The following BARD1 variants were observed in gnomAD, a reference collection of about 807,000 sequenced individuals.
BARD1 encodes BRCA1 associated RING domain 1.
In BARD1, 73 loss-of-function variants were observed where a neutral mutation model predicts 77.0. The observed-to-expected ratio is 0.95, with a 90% confidence interval of 0.79 to 1.15. The LOEUF is 1.15. Ranked by LOEUF, BARD1 falls within the 50% of genes most tolerant of loss-of-function variation. BARD1 has a pLI of 0.00. For synonymous variants in BARD1, 384 were observed against 338.0 expected, an observed-to-expected ratio of 1.14 and a Z score of -1.49; for missense variants, 993 against 938.8, an observed-to-expected ratio of 1.06 and a Z score of -0.75.
chr2:214,740,361 A>C (rs948607773), intron 9 of BARD1, among the ~76,000 whole-genome samples: 1 of 151,836 alleles, frequency 6.6e-6, no homozygotes, highest in African/African-American at 2.4e-5. Context: ...AAAAGTGAAA[A>C]TACTTCCAAT....
intron 4 of BARD1, among the ~76,000 whole-genome samples, chr2:214,777,576 T>C (rs1207794234): frequency 6.6e-6 from 1 of 152,182 alleles, no homozygotes; most frequent in Non-Finnish European, 1.5e-5. Flanking sequence ...TTTTCTGAAG[T>C]AGGTGGGTAC....
chr2:214,730,422 T>C lies in BARD1; in HGVS notation c.1990A>G (p.Arg664Gly), dbSNP rs1064795138. 1.9e-6 allele frequency: 3 copies of C among 1,613,528 alleles called. No homozygotes were observed. The highest frequency in any genetic ancestry group is 1.3e-5 in the African/African-American group (1 of 74,930). ...PEGPRRSRLN[R>G]EQLLPKLFDG... ...TAAAAGAAAAATACCAGCTGTTCTCTGTTGAGCCTGCTTCTGCGTGGACCT... is the reference window on the plus strand; with the variant it reads ...TAAAAGAAAAATACCAGCTGTTCTCCGTTGAGCCTGCTTCTGCGTGGACCT... The change falls in exon 10 of 11, where the codon AGA becomes GGA. Residue 664 changes from arginine (R) to glycine (G), a missense_variant. Physicochemically the swap from Arg to Gly is moderately radical, Grantham distance 125. Transcript: ENST00000260947.
intron 4 of BARD1, among the ~76,000 whole-genome samples, chr2:214,777,615 A>G (rs114829047): frequency 6.6e-6 from 1 of 152,216 alleles, no homozygotes; most frequent in Non-Finnish European, 1.5e-5. Context: ...ACCAAAAAAG[A>G]TGCATTATCT....
intron 6 of BARD1, among the ~76,000 whole-genome samples, chr2:214,764,765 A>G (rs1446847743): frequency 2.0e-5 from 3 of 152,206 alleles, no homozygotes; most frequent in Non-Finnish European, 4.4e-5. Context: ...TGAATAAAGA[A>G]AAGTAACCTG....
At chr2:214,778,775 C>A (rs575879748) in intron 4 of BARD1, among the ~76,000 whole-genome samples, 1 of 152,070 alleles carries the variant, frequency 6.6e-6, no homozygotes, top group Non-Finnish European at 1.5e-5. Flanking sequence ...TCTAACTGCA[C>A]CTTTAAGAAA....
chr2:214,784,861 C>T (rs993280946), intron 3 of BARD1, among the ~76,000 whole-genome samples: 2 of 152,112 alleles, frequency 1.3e-5, no homozygotes, highest in Non-Finnish European at 2.9e-5. Flanking sequence ...GAACATCACA[C>T]ACCGGGGCCT....
intron 6 of BARD1, among the ~76,000 whole-genome samples, chr2:214,766,119 A>C (rs913948251): frequency 8.5e-5 from 13 of 152,208 alleles, no homozygotes; most frequent in African/African-American, 3.1e-4. Context: ...CTACATAGGG[A>C]GACATGAACC....
intron 3 of BARD1, among the ~76,000 whole-genome samples, chr2:214,790,630 C>T (rs1442545834): frequency 6.6e-6 from 1 of 152,154 alleles, no homozygotes; most frequent in Non-Finnish European, 1.5e-5. Context: ...TACTTTGTTA[C>T]AGCAGTTCTA....
At chr2:214,800,058 C>T (rs1050540425) in intron 1 of BARD1, among the ~76,000 whole-genome samples, 1 of 152,228 alleles carries the variant, frequency 6.6e-6, no homozygotes, top group Non-Finnish European at 1.5e-5. Flanking sequence ...CAGTCCGTAG[C>T]CTTCCGGCTT....
chr2:214,803,395 T>C (rs1696118668), intron 1 of BARD1, among the ~76,000 whole-genome samples: 1 of 152,214 alleles, frequency 6.6e-6, no homozygotes, highest in African/African-American at 2.4e-5. Flanking sequence ...TGCCCGTCCC[T>C]GGGCAATGGA....
rs201219625 is a variant in BARD1 at position 214,792,281 on chromosome 2, T to A, written c.364+16A>T. 1 of 1,611,744 alleles carries A rather than the reference T, an allele frequency of 6.2e-7. No individual in the cohort carries two copies. Among genetic ancestry groups the A allele is most frequent in the Non-Finnish European group, 8.5e-7 (1 of 1,178,826 alleles). On this transcript the variant is annotated intron_variant, in intron 3 of 10. Transcript: ENST00000260947. ...AACTGATGAATTTAACTAAGAGAGA[T>A]AGGGATAGTTCTTACCTGACAGCTC...
rs1559423277 is a variant in BARD1 at position 214,780,588 on chromosome 2, T to C, written c.1286A>G (p.Glu429Gly). ...NMAVKRNHRG[E>G]TLLHIASIKG... Reference sequence around the variant, plus strand: ...AATAGAAGCAATATGGAGCAAAGTCTCTCCTCTATGATTTCTTTTCACAGC... The same window carrying C: ...AATAGAAGCAATATGGAGCAAAGTCCCTCCTCTATGATTTCTTTTCACAGC... Residue 429 changes from glutamate (E) to glycine (G), a missense_variant, in exon 4 of 11, where the codon GAG (glutamate) becomes GGG (glycine). By Grantham distance (98) the Glu-to-Gly change is moderately conservative. Transcript: ENST00000260947. The C allele has an allele frequency of 6.2e-7, 1 of 1,613,992 alleles. No homozygotes were observed. Among genetic ancestry groups the C allele is most frequent in the Non-Finnish European group, 8.5e-7 (1 of 1,179,924 alleles).
chr2:214,786,714 G>C (rs778160420), intron 3 of BARD1, among the ~76,000 whole-genome samples: 1 of 151,968 alleles, frequency 6.6e-6, no homozygotes, highest in Non-Finnish European at 1.5e-5. Flanking sequence ...TGAAAAGACA[G>C]TAAAATGATA....
Position 214,727,478 on chromosome 2 carries a change from T to A in BARD1, c.*1198A>T, listed in dbSNP as rs1019950577. ...GTCTAGGAAGGAATTATTAAAGAAT[T>A]CTGCTTCTTAAAAAAATGTTTCAAA... On this transcript the variant is annotated 3_prime_UTR_variant, in exon 11 of 11. Coordinates refer to ENST00000260947, the MANE Select transcript of BARD1 (RefSeq NM_000465.4). 1 of 231,910 alleles carries A rather than the reference T, an allele frequency of 4.3e-6. No individual in the cohort carries two copies. The highest frequency in any genetic ancestry group is 2.2e-5 in the African/African-American group (1 of 45,288). 14.4% of individuals were successfully genotyped at this position (231,910 alleles called of 1,614,324 possible).
chr2:214,751,765 G>A (rs1693465101), intron 7 of BARD1, among the ~76,000 whole-genome samples: 2 of 152,062 alleles, frequency 1.3e-5, no homozygotes, highest in Admixed American at 1.3e-4. Context: ...GGCAACAAAT[G>A]GCATTACCAT....
intron 1 of BARD1, among the ~76,000 whole-genome samples, chr2:214,803,231 T>TC (rs2106157735): frequency 6.6e-6 from 1 of 151,970 alleles, no homozygotes; most frequent in South Asian, 2.1e-4. Flanking sequence ...CCAAGGTTTC[T>TC]CCCCATGTGA....
At chr2:214,732,648 GC>G (rs1692407322) in intron 9 of BARD1, among the ~76,000 whole-genome samples, 1 of 152,106 alleles carries the variant, frequency 6.6e-6, no homozygotes, top group South Asian at 2.1e-4. Context: ...GCACACCTCA[GC>G]CTCCCAAAGT....
intron 1 of BARD1, among the ~76,000 whole-genome samples, chr2:214,797,418 C>G (rs999296272): frequency 6.6e-6 from 1 of 152,160 alleles, no homozygotes; most frequent in Admixed American, 6.5e-5. Context: ...CCTCTTAAGG[C>G]AAAACCAACT....
At chr2:214,763,781 G>A (rs1244534077) in intron 6 of BARD1, among the ~76,000 whole-genome samples, 2 of 152,138 alleles carry the variant, frequency 1.3e-5, no homozygotes, top group Non-Finnish European at 2.9e-5. Context: ...TGGTTTATAA[G>A]GAGTAAGAGC....
Sources: gnomAD v4.1 joint callset for allele counts (sites outside exome capture counted in the v4.1 genomes callset) on GRCh38, gnomAD v4.1.1 for gene constraint, MANE v1.5 for transcripts, NCBI Gene and HGNC (gene_info 2026-07-23, HGNC 2026-07-21) for gene names.